Variants in POGLUT1 observed in about 807,000 individuals in gnomAD.
POGLUT1 encodes the protein protein O-glucosyltransferase 1.
In POGLUT1, 32 loss-of-function variants were observed where a neutral mutation model predicts 61.3. That is an observed-to-expected ratio of 0.52 (90% CI 0.39 to 0.70). POGLUT1 has a LOEUF of 0.70. Among genes scored for constraint, POGLUT1 ranks in the 30% least tolerant of loss-of-function variants. POGLUT1 has a pLI of 0.00. For missense variants in POGLUT1, 411 were observed against 469.8 expected, an observed-to-expected ratio of 0.87 and a Z score of 1.16; for synonymous variants, 158 against 158.2, an observed-to-expected ratio of 1.00 and a Z score of 0.01.
intron 4 of POGLUT1, among the ~76,000 whole-genome samples, chr3:119,478,671 A>C (rs1456200238): frequency 6.6e-6 from 1 of 152,102 alleles, no homozygotes; most frequent in Admixed American, 6.5e-5. Context: ...AATAGCTGTT[A>C]TGTTTAAGGT....
chr3:119,478,904 A>AG (rs151240773), intron 4 of POGLUT1, among the ~76,000 whole-genome samples: 5 of 142,606 alleles, frequency 3.5e-5, no homozygotes, highest in South Asian at 4.4e-4. Flanking sequence ...AAAAAAAAAA[A>AG]GGGGGGAACA....
intron 3 of POGLUT1, among the ~76,000 whole-genome samples, chr3:119,476,319 C>A (rs1335319784): frequency 6.6e-6 from 1 of 152,138 alleles, no homozygotes; most frequent in Non-Finnish European, 1.5e-5. Flanking sequence ...CTTTGCCAAT[C>A]TGATTGGTAA....
At chr3:119,491,471 A>G in intron 9 of POGLUT1, 47 bp from the exon 10 acceptor site, 1 of 873,164 alleles carries the variant, frequency 1.1e-6, no homozygotes, top group Non-Finnish European at 1.9e-6. Context: ...ACTTAGTGCC[A>G]ATGAAGTTGG....
chr3:119,473,666 T>TC (rs2081502891), intron 3 of POGLUT1, among the ~76,000 whole-genome samples: 1 of 151,952 alleles, frequency 6.6e-6, no homozygotes, highest in Admixed American at 6.6e-5. Flanking sequence ...GATACTTTTT[T>TC]TTTTTTTTTT....
Position 119,477,456 on chromosome 3 carries a change from C to T in POGLUT1, c.456+8C>T, listed in dbSNP as rs1379209654. ...GTCTTCTCCTTCAGTAAGGTAAGTA[C>T]AGGGAGAGCCACATGGGTGGATGGA... On this transcript the variant is annotated splice_region_variant and intron_variant, in intron 4 of 10. Coordinates refer to ENST00000295588, the MANE Select transcript of POGLUT1 (RefSeq NM_152305.3). 1.2e-6 allele frequency: 2 copies of T among 1,613,130 alleles called. No individual in the cohort carries two copies. The highest frequency in any genetic ancestry group is 1.7e-5 in the Admixed American group (1 of 60,002).
At chr3:119,482,237 A>AC (rs1268332661) in intron 5 of POGLUT1, among the ~76,000 whole-genome samples, 9 of 152,162 alleles carry the variant, frequency 5.9e-5, no homozygotes, top group African/African-American at 2.2e-4. Context: ...ATCTTTAAAA[A>AC]CATTTTTACT....
Position 119,477,370 on chromosome 3 carries a change from G to A in POGLUT1, c.378G>A (p.Glu126=), listed in dbSNP as rs144240664. 3.5e-5 allele frequency: 57 copies of A among 1,613,796 alleles called. No homozygotes were observed. The highest frequency in any genetic ancestry group is 4.6e-5 in the Non-Finnish European group (54 of 1,179,766). The change falls in exon 4 of 11, where the codon GAG becomes GAA. Residue 126 remains glutamate, a synonymous_variant. Transcript: ENST00000295588. ...LEVIGRLPDM[E]MVINVRDYPQ... ...TGATCGGGCGTCTCCCTGACATGGA[G>A]ATGGTGATCAATGTACGAGATTATC...
rs1218715596 is a variant in POGLUT1 at position 119,486,929 on chromosome 3, G to C, written c.735G>C (p.Met245Ile). 1 of 1,598,446 alleles carries C rather than the reference G, an allele frequency of 6.3e-7. No individual in the cohort carries two copies. The highest frequency in any genetic ancestry group is 8.6e-7 in the Non-Finnish European group (1 of 1,165,822). The change falls in exon 7 of 11, where the codon ATG (methionine) becomes ATC (isoleucine). Residue 245 changes from methionine (M) to isoleucine (I), a missense_variant. Physicochemically the swap from Met to Ile is conservative, Grantham distance 10. Coordinates refer to ENST00000295588, the MANE Select transcript of POGLUT1 (RefSeq NM_152305.3). The part of the protein sequence containing the change: ...EYTKNQAWKS[M>I]KDTLGKPAAK... ...CCAAAAACCAGGCCTGGAAATCTAT[G>C]AAAGTAATCACCAGTCATCTGACTA...
intron 3 of POGLUT1, among the ~76,000 whole-genome samples, chr3:119,475,993 CAA>C (rs778562215): frequency 0.26 from 30,680 of 119,582 alleles, 3,803 homozygotes; most frequent in East Asian, 0.39. Flanking sequence ...CACACACACA[CAA>C]ACACATACAG....
At chr3:119,475,835 A>C (rs956427070) in intron 3 of POGLUT1, among the ~76,000 whole-genome samples, 3 of 151,978 alleles carry the variant, frequency 2.0e-5, no homozygotes, top group Non-Finnish European at 2.9e-5. Context: ...AATCTTGATA[A>C]ACAGGCTGGG....
chr3:119,469,874 A>G lies in POGLUT1; in HGVS notation c.140A>G (p.Glu47Gly). The G allele has an allele frequency of 6.2e-7, 1 of 1,609,094 alleles. No individual in the cohort carries two copies. Among genetic ancestry groups the G allele is most frequent in the South Asian group, 1.1e-5 (1 of 90,994 alleles). Residue 47 changes from glutamate to glycine, a missense_variant, in exon 2 of 11, where the codon GAA becomes GGA. Physicochemically the swap from Glu to Gly is moderately conservative, Grantham distance 98. Coordinates refer to ENST00000295588, the MANE Select transcript of POGLUT1 (RefSeq NM_152305.3). Reference sequence around the variant, plus strand: ...ATTAACAGGTCTTTGGAGAATTACGAACCATGTTCAAGTCAAAACTGCAGC... The same window carrying G: ...ATTAACAGGTCTTTGGAGAATTACGGACCATGTTCAAGTCAAAACTGCAGC... ...DQINRSLENY[E>G]PCSSQNCSCY...
At position 119,487,432 on chromosome 3, in the gene POGLUT1, C is replaced by T. The variant is rs563434691; in HGVS notation, c.738+500C>T. Among the ~76,000 whole-genome samples, 9 of 151,994 alleles carry T rather than the reference C, an allele frequency of 5.9e-5. No homozygotes were observed. In the South Asian group the frequency reaches 1.9e-3, roughly 32 times the overall value. On this transcript the variant is annotated intron_variant, in intron 7 of 10. Transcript: ENST00000295588. ...TGAAACCCCGTCTCTACTAAAAACA[C>T]AAAAATTAGCCGGGCATGGTGGTAT...
rs2081770213 is a variant in POGLUT1 at position 119,492,979 on chromosome 3, A to G, written c.*541A>G. On this transcript the variant is annotated 3_prime_UTR_variant, in exon 11 of 11. Transcript: ENST00000295588. ...GGTCTAAGGAAGCGGTAGCCATGCCATGCAATGATGTAGGAGTTCTCTTTT... is the reference window on the plus strand; with the variant it reads ...GGTCTAAGGAAGCGGTAGCCATGCCGTGCAATGATGTAGGAGTTCTCTTTT... 1 of 152,644 alleles carries G rather than the reference A, an allele frequency of 6.6e-6. No individual in the cohort carries two copies. Among genetic ancestry groups the G allele is most frequent in the African/African-American group, 2.4e-5 (1 of 41,446 alleles). The allele number at this position is 152,644 out of a possible 1,614,324, so 9.5% of individuals were successfully genotyped here.
At chr3:119,480,270 C>A in intron 5 of POGLUT1, 98 bp downstream of exon 5, 1 of 978,128 alleles carries the variant, frequency 1.0e-6, no homozygotes, top group Non-Finnish European at 1.4e-6. Context: ...TTTTTTGAGA[C>A]GGAGTTTCGC....
Position 119,471,414 on chromosome 3 carries a change from C to T in POGLUT1, c.282C>T (p.Asn94=), listed in dbSNP as rs201555799. The change falls in exon 3 of 11, where the codon AAC becomes AAT. Residue 94 remains asparagine (N), a synonymous_variant. Transcript: ENST00000295588. The stretch of plus-strand genomic sequence containing the variant: ...GGACCCACTATCAGATCACTAAGAA[C>T]AGACTGTACCGGGAAAATGACTGCA... ...KLGTHYQITK[N]RLYRENDCMF... The T allele has an allele frequency of 9.9e-6, 16 of 1,614,056 alleles. No individual in the cohort carries two copies. Among genetic ancestry groups the T allele is most frequent in the Non-Finnish European group, 1.2e-5 (14 of 1,179,904 alleles).
intron 3 of POGLUT1, 151 bp downstream of exon 3, chr3:119,471,603 C>T (rs2081475280): frequency 2.7e-6 from 2 of 734,842 alleles, no homozygotes; most frequent in Admixed American, 2.5e-5. Flanking sequence ...TTCTCCTTGC[C>T]TGGGAATTTT....
At chr3:119,488,901 A>G (rs751200445) in intron 7 of POGLUT1, 28 bp from the exon 8 acceptor site, 1 of 1,372,082 alleles carries the variant, frequency 7.3e-7, no homozygotes, top group Non-Finnish European at 1.0e-6. Flanking sequence ...GTTGCTGTTA[A>G]TACTAATAAC....
intron 4 of POGLUT1, among the ~76,000 whole-genome samples, chr3:119,479,011 A>G (rs1007157990): frequency 2.0e-5 from 3 of 151,702 alleles, no homozygotes; most frequent in African/African-American, 7.3e-5. Flanking sequence ...TGCAACCTCC[A>G]CCTCCCAGGT....
chr3:119,492,326 CCTGTTA>C lies in POGLUT1; in HGVS notation c.1071_1076del (p.Cys357_Tyr358del). On this transcript the variant is annotated inframe_deletion, in exon 11 of 11. Coordinates refer to ENST00000295588, the MANE Select transcript of POGLUT1 (RefSeq NM_152305.3). Reference sequence around the variant, plus strand: ...AACCATTTGCAGATGGATGACATCACCTGTTACTGGGAGAACCTCTTGAGTGAATAC... The same window carrying C: ...AACCATTTGCAGATGGATGACATCACCTGGGAGAACCTCTTGAGTGAATAC... 1.9e-6 allele frequency: 3 copies of C among 1,610,406 alleles called. No homozygotes were observed. The highest frequency in any genetic ancestry group is 2.5e-6 in the Non-Finnish European group (3 of 1,177,492).
Sources: allele counts gnomAD v4.1 joint callset (sites outside exome capture counted in the v4.1 genomes callset), GRCh38; gene constraint gnomAD v4.1.1; transcripts MANE v1.5; gene names NCBI Gene and HGNC (gene_info 2026-07-23, HGNC 2026-07-21).